NOP2: variants seen among roughly 807,000 people sequenced by gnomAD.
NOP2 encodes the protein 28S rRNA (cytosine(4447)-C(5))-methyltransferase.
In NOP2, 7 loss-of-function variants were observed where a neutral mutation model predicts 72.7. The observed-to-expected ratio is 0.10, with a 90% confidence interval of 0.05 to 0.18. NOP2 has a LOEUF of 0.18. NOP2 is among the 10% of genes least tolerant of loss of function. NOP2 has a pLI of 1.00. For synonymous variants in NOP2, 387 were observed against 388.0 expected (o/e 1.00, Z 0.03); for missense variants, 954 against 1,014.7 (o/e 0.94, Z 0.81).
rs780654594 is a variant in NOP2 at position 6,564,136 on chromosome 12, A to G, written c.475-190T>C. On this transcript the variant is annotated intron_variant, in intron 5 of 15. Coordinates refer to ENST00000322166, the MANE Select transcript of NOP2 (RefSeq NM_001258308.2). ...ACTGTTGAAACTAAGTAATGAGGGC[A>G]TGGTGGCACACACCTGTAAATCCCA... 2.0e-6 allele frequency: 3 copies of G among 1,474,280 alleles called. No individual in the cohort carries two copies. The South Asian group carries it at 3.6e-5, about 18-fold the overall frequency. 91.3% of individuals were successfully genotyped at this position (1,474,280 alleles called of 1,614,324 possible).
At chr12:6,565,161 T>A (rs1424359450) in intron 5 of NOP2, among the ~76,000 whole-genome samples, 6 of 151,000 alleles carry the variant, frequency 4.0e-5, no homozygotes, top group Non-Finnish European at 5.9e-5. Context: ...AGTTATTTTT[T>A]TTTTTTTTTT....
At chr12:6,565,302 C>T (rs147258204) in intron 5 of NOP2, among the ~76,000 whole-genome samples, 4 of 152,106 alleles carry the variant, frequency 2.6e-5, no homozygotes, top group African/African-American at 4.8e-5. Context: ...TACAGGCGTA[C>T]GCCACCACAC....
chr12:6,557,561 T>TTGGC lies in NOP2; in HGVS notation c.1867_1870dup (p.Lys624SerfsTer57). The TTGGC allele has an allele frequency of 1.2e-6, 2 of 1,613,988 alleles. No homozygotes were observed. The highest frequency in any genetic ancestry group is 8.5e-7 in the Non-Finnish European group (1 of 1,179,884). On this transcript the variant is annotated frameshift_variant, in exon 16 of 16. Coordinates refer to ENST00000322166, the MANE Select transcript of NOP2 (RefSeq NM_001258308.2). LOFTEE classifies it low-confidence loss of function (END_TRUNC). ...TGTCTTTGCAGCCCCCTTGGCTTTC[T>TTGGC]TGGCTGGCTGGCTGCTGTTCTCAGA...
intron 2 of NOP2, among the ~76,000 whole-genome samples, chr12:6,567,128 T>G (rs1386168289): frequency 6.6e-6 from 1 of 152,144 alleles, no homozygotes; most frequent in Admixed American, 6.5e-5. Context: ...TGTTGTATTT[T>G]TAGTAAAGAC....
intron 9 of NOP2, 41 bp downstream of exon 9, chr12:6,563,040 T>G (rs1286294194): frequency 6.6e-7 from 1 of 1,522,450 alleles, no homozygotes; most frequent in Non-Finnish European, 8.9e-7. Flanking sequence ...CAGAAGTCAC[T>G]TCCCTTCTGA....
At position 6,567,896 on chromosome 12, in the gene NOP2, G is replaced by T. The variant is rs766439954; in HGVS notation, c.23C>A (p.Thr8Lys). The T allele has an allele frequency of 6.2e-6, 10 of 1,613,964 alleles. No individual in the cohort carries two copies. Among genetic ancestry groups the T allele is most frequent in the African/African-American group, 1.3e-5 (1 of 75,034 alleles). MGRKLDPTKEKRGPGRKA... is the reference protein window; with the variant it reads MGRKLDPKKEKRGPGRKA... ...TCGGCCTGGCCCCCGCTTCTCCTTCGTAGGGTCCAACTTGCGCCCCATGGT... is the reference window on the plus strand; with the variant it reads ...TCGGCCTGGCCCCCGCTTCTCCTTCTTAGGGTCCAACTTGCGCCCCATGGT... The change falls in exon 2 of 16, where the codon ACG becomes AAG. Residue 8 changes from threonine to lysine, a missense_variant. By Grantham distance (78) the Thr-to-Lys change is moderately conservative (BLOSUM62 -1). This residue lies in a region of NOP2 where 498 missense variants were observed against 478.3 expected (regional missense o/e 1.04). Transcript: ENST00000322166.
intron 15 of NOP2, among the ~76,000 whole-genome samples, chr12:6,558,843 T>C (rs1311427284): frequency 6.6e-6 from 1 of 152,138 alleles, no homozygotes; most frequent in East Asian, 1.9e-4. Flanking sequence ...TTTATAGGCA[T>C]GAGCCATCAC....
In NOP2 at chr12:6,561,087, A is replaced by C; in HGVS notation, c.1208-17T>G. On this transcript the variant is annotated splice_polypyrimidine_tract_variant and intron_variant, in intron 11 of 15. Transcript: ENST00000322166. Reference sequence around the variant, plus strand: ...TCAGCTGGGCTAAAGAGAGGGCAGTAACAGTGCTGATCAGCCAGTTCCACT... The same window carrying C: ...TCAGCTGGGCTAAAGAGAGGGCAGTCACAGTGCTGATCAGCCAGTTCCACT... 6.2e-7 allele frequency: 1 copy of C among 1,613,504 alleles called. No homozygotes were observed. The highest frequency in any genetic ancestry group is 1.3e-5 in the African/African-American group (1 of 75,022).
chr12:6,566,497 T>A (rs1413804218), intron 4 of NOP2, 32 bp downstream of exon 4: 3 of 1,601,264 alleles, frequency 1.9e-6, no homozygotes, highest in South Asian at 1.1e-5. Flanking sequence ...AAGGGACTCC[T>A]CATGTAGCAT....
At chr12:6,562,197 C>A (rs1242238193) in intron 9 of NOP2, among the ~76,000 whole-genome samples, 1 of 152,044 alleles carries the variant, frequency 6.6e-6, no homozygotes, top group Non-Finnish European at 1.5e-5. Flanking sequence ...ACCATGTTGG[C>A]CAGGCTGGTC....
At chr12:6,567,219 C>G (rs901943349) in intron 2 of NOP2, among the ~76,000 whole-genome samples, 2 of 152,076 alleles carry the variant, frequency 1.3e-5, no homozygotes, top group Admixed American at 6.6e-5. Flanking sequence ...CAAAGTGTTT[C>G]CTTAATAGTG....
chr12:6,567,481 A>G, intron 2 of NOP2: 2 of 238,642 alleles, frequency 8.4e-6, no homozygotes, highest in Non-Finnish European at 1.6e-5. Flanking sequence ...CCTCCCCTTC[A>G]CTACTTCCTC....
intron 4 of NOP2, 44 bp from the exon 5 acceptor site, chr12:6,566,380 C>T: frequency 6.5e-7 from 1 of 1,538,370 alleles, no homozygotes; most frequent in Non-Finnish European, 8.9e-7. Flanking sequence ...CCACACATTC[C>T]CTGGCCCCAC....
At chr12:6,559,412 C>T (rs1250048603) in intron 15 of NOP2, among the ~76,000 whole-genome samples, 4 of 152,190 alleles carry the variant, frequency 2.6e-5, no homozygotes, top group African/African-American at 4.8e-5. Context: ...AGCCACCGTG[C>T]CTGGCCACAC....
At chr12:6,563,820 C>G in intron 6 of NOP2, 49 bp from the exon 7 acceptor site, 1 of 1,612,444 alleles carries the variant, frequency 6.2e-7, no homozygotes, top group Non-Finnish European at 8.5e-7. Flanking sequence ...AAACAGATAC[C>G]TCCTCCTTCC....
Position 6,563,949 on chromosome 12 carries a change from G to A in NOP2, c.475-3C>T. ...GCAGCTCTTTCAATGGGCAGCAACT[G>A]AAGAGAGACAAGGGCTATTAATACA... is the stretch of plus-strand genomic sequence containing the variant. On this transcript the variant is annotated splice_polypyrimidine_tract_variant and splice_region_variant and intron_variant, in intron 5 of 15. Coordinates refer to ENST00000322166, the MANE Select transcript of NOP2 (RefSeq NM_001258308.2). 6.2e-7 allele frequency: 1 copy of A among 1,613,074 alleles called. No individual in the cohort carries two copies. The highest frequency in any genetic ancestry group is 8.5e-7 in the Non-Finnish European group (1 of 1,179,512).
rs553965811 is a variant in NOP2 at position 6,563,943 on chromosome 12, G to T, written c.478C>A (p.Leu160Met). Residue 160 changes from leucine (L) to methionine (M), a missense_variant, in exon 6 of 16, where the codon CTG becomes ATG. Physicochemically the swap from Leu to Met is conservative, Grantham distance 15. Transcript: ENST00000322166. ...SEDEEEGEAL[L>M]PIERAARKQK... Reference sequence around the variant, plus strand: ...TTCCGAGCAGCTCTTTCAATGGGCAGCAACTGAAGAGAGACAAGGGCTATT... The same window carrying T: ...TTCCGAGCAGCTCTTTCAATGGGCATCAACTGAAGAGAGACAAGGGCTATT... 1 of 1,613,268 alleles carries T rather than the reference G, an allele frequency of 6.2e-7. No homozygotes were observed. The highest frequency in any genetic ancestry group is 1.3e-5 in the African/African-American group (1 of 75,040).
Position 6,557,535 on chromosome 12 carries a change from T to G in NOP2, c.1897A>C (p.Lys633Gln), listed in dbSNP as rs539899594. ...TGTTGCTGTTTCTGCAGCTGCTGCT[T>G]TGTCTTTGCAGCCCCCTTGGCTTTC... Reference protein sequence around the residue: ...AKKAKGAAKTKQQLQKQQHPK... With the variant: ...AKKAKGAAKTQQQLQKQQHPK... Residue 633 changes from lysine to glutamine, a missense_variant, in exon 16 of 16, where the codon AAG becomes CAG. Physicochemically the swap from Lys to Gln is moderately conservative, Grantham distance 53. Coordinates refer to ENST00000322166, the MANE Select transcript of NOP2 (RefSeq NM_001258308.2). 5.0e-6 allele frequency: 8 copies of G among 1,613,974 alleles called. No individual in the cohort carries two copies. Among genetic ancestry groups the G allele is most frequent in the Non-Finnish European group, 6.8e-6 (8 of 1,179,892 alleles).
intron 15 of NOP2, among the ~76,000 whole-genome samples, chr12:6,559,212 G>A (rs920700577): frequency 2.0e-5 from 3 of 151,756 alleles, no homozygotes; most frequent in Non-Finnish European, 2.9e-5. Flanking sequence ...TCCGCCTCCC[G>A]GGTTCATGCC....
Sources: allele counts gnomAD v4.1 joint callset (sites outside exome capture counted in the v4.1 genomes callset), GRCh38; gene constraint gnomAD v4.1.1; regional missense constraint gnomAD v4.1.1; transcripts MANE v1.5; gene names NCBI Gene and HGNC (gene_info 2026-07-23, HGNC 2026-07-21).